The following NUTM1 variants were observed in gnomAD, a reference collection of about 807,000 sequenced individuals.
NUTM1 encodes NUT family member 1.
Under a neutral mutation model 88.7 loss-of-function variants are expected in NUTM1, and 39 were observed. The ratio of observed to expected loss-of-function variants is 0.44; its 90% CI spans 0.34 to 0.57. NUTM1 has a LOEUF of 0.57. Ranked by LOEUF, NUTM1 falls within the 20% of genes least tolerant of loss-of-function variation. NUTM1 has a pLI of 0.01. For synonymous variants in NUTM1, 494 were observed against 538.0 expected (o/e 0.92, Z 1.13); for missense variants, 1,350 against 1,414.5 (o/e 0.95, Z 0.73).
In NUTM1 at chr15:34,350,246, C is replaced by A. The variant is rs115530291; in HGVS notation, c.810-458C>A. Among the ~76,000 whole-genome samples, 631 of 152,226 alleles carry A rather than the reference C, an allele frequency of 4.1e-3. 3 individuals carry two copies. Among genetic ancestry groups the A allele is most frequent in the African/African-American group, 0.015 (605 of 41,536 alleles). On this transcript the variant is annotated intron_variant, in intron 3 of 7. Transcript: ENST00000537011. The stretch of plus-strand genomic sequence containing the variant: ...ATATCTGGAAACAAAGACTGAAAAA[C>A]CAATAAATAAAAACACCACATGACC...
Position 34,343,714 on chromosome 15 carries a change from A to C in NUTM1, c.6+12A>C. On this transcript the variant is annotated intron_variant, in intron 1 of 7. Coordinates refer to ENST00000537011, the MANE Select transcript of NUTM1 (RefSeq NM_001284292.2). ...TCTTTCTTATGGTGGTGAGTAGCTAATAATAACGTAATAAAGTGCACCTTC... is the reference window on the plus strand; with the variant it reads ...TCTTTCTTATGGTGGTGAGTAGCTACTAATAACGTAATAAAGTGCACCTTC... 6.5e-7 allele frequency: 1 copy of C among 1,533,604 alleles called. No homozygotes were observed. The highest frequency in any genetic ancestry group is 8.7e-7 in the Non-Finnish European group (1 of 1,145,016). The allele number at this position is 1,533,604 out of a possible 1,614,324, so 95.0% of individuals were successfully genotyped here.
intron 1 of NUTM1, 115 bp downstream of exon 1, chr15:34,343,817 C>T: frequency 1.2e-6 from 1 of 843,676 alleles, no homozygotes; most frequent in South Asian, 1.7e-5. Context: ...AAAATGAGAA[C>T]CAAAATATCA....
intron 2 of NUTM1, among the ~76,000 whole-genome samples, chr15:34,347,636 A>G (rs1343104589): frequency 1.3e-5 from 2 of 152,072 alleles, no homozygotes; most frequent in Non-Finnish European, 2.9e-5. Context: ...GGCGGATCAC[A>G]AGGTCAGGAG....
At position 34,348,549 on chromosome 15, in the gene NUTM1, C is replaced by T; in HGVS notation, c.681C>T (p.Ser227=). The change falls in exon 3 of 8, where the codon TCC becomes TCT. Residue 227 remains serine, a synonymous_variant. Transcript: ENST00000537011. ...CTGTGGCCACTCTATCCAAGCCTTC[C>T]CTAGGTGACCGCTCCAAAATTTCCA... ...GGPVATLSKP[S]LGDRSKISKD... is the part of the protein sequence containing the mutation. The T allele has an allele frequency of 6.2e-7, 1 of 1,614,092 alleles. No homozygotes were observed. The highest frequency in any genetic ancestry group is 8.5e-7 in the Non-Finnish European group (1 of 1,180,030).
chr15:34,348,388 A>G lies in NUTM1; in HGVS notation c.520A>G (p.Lys174Glu), dbSNP rs1386486829. 2 of 1,614,136 alleles carry G rather than the reference A, an allele frequency of 1.2e-6. No homozygotes were observed. Among genetic ancestry groups the G allele is most frequent in the South Asian group, 1.1e-5 (1 of 91,078 alleles). ...TAATGTGAAGACCATTCTGCCCTCTAAGGCTGTTGGTGTCAGCCAGGAGGG... is the reference window on the plus strand; with the variant it reads ...TAATGTGAAGACCATTCTGCCCTCTGAGGCTGTTGGTGTCAGCCAGGAGGG... ...ASNVKTILPS[K>E]AVGVSQEGPP... Residue 174 changes from lysine to glutamate, a missense_variant, in exon 3 of 8, where the codon AAG (lysine) becomes GAG (glutamate). By Grantham distance (56) the Lys-to-Glu change is moderately conservative (BLOSUM62 1). This residue lies in a region of NUTM1 where 399 missense variants were observed against 397.9 expected (regional missense o/e 1.00). Coordinates refer to ENST00000537011, the MANE Select transcript of NUTM1 (RefSeq NM_001284292.2).
intron 4 of NUTM1, among the ~76,000 whole-genome samples, chr15:34,351,296 C>T (rs1416832523): frequency 6.9e-6 from 1 of 144,716 alleles, no homozygotes; most frequent in Non-Finnish European, 1.5e-5. Flanking sequence ...GCTTGTAGTC[C>T]CAGCTACTCT....
At chr15:34,344,563 C>A (rs1286374700) in intron 1 of NUTM1, among the ~76,000 whole-genome samples, 1 of 148,968 alleles carries the variant, frequency 6.7e-6, no homozygotes, top group Non-Finnish European at 1.5e-5. Flanking sequence ...CATAAAAAAT[C>A]TCTGCAAGTA....
At position 34,344,267 on chromosome 15, in the gene NUTM1, CTT is replaced by C. The variant is rs1299518477; in HGVS notation, c.6+567_6+568del. ...GTGGCTCACGCCTGTAATCCCAGCA[CTT>C]TGGGAGGCTGAGACGGGTGGATCAC... On this transcript the variant is annotated intron_variant, in intron 1 of 7. Coordinates refer to ENST00000537011, the MANE Select transcript of NUTM1 (RefSeq NM_001284292.2). 4.0e-5 allele frequency among the ~76,000 whole-genome samples: 6 copies of C among 150,384 alleles called. No individual in the cohort carries two copies. In the East Asian group the frequency reaches 9.9e-4, roughly 25 times the overall value.
At position 34,354,732 on chromosome 15, in the gene NUTM1, G is replaced by C; in HGVS notation, c.1362G>C (p.Lys454Asn). Residue 454 changes from lysine to asparagine, a missense_variant and splice_region_variant, in exon 6 of 8, where the codon AAG becomes AAC. Lys to Asn is a moderately conservative substitution (Grantham distance 94). Coordinates refer to ENST00000537011, the MANE Select transcript of NUTM1 (RefSeq NM_001284292.2). ...GTTCTCAGAAGGTCTTTGTCTCCAA[G>C]GTGAGCTGGGCCTGCACATCTTGTT... ...ELCSQKVFVS[K>N]VEAVIHPQFL... 6.2e-7 allele frequency: 1 copy of C among 1,614,056 alleles called. No homozygotes were observed.
Position 34,343,627 on chromosome 15 carries a change from T to G in NUTM1, c.-70T>G. On this transcript the variant is annotated 5_prime_UTR_variant, in exon 1 of 8. Transcript: ENST00000537011. Reference sequence around the variant, plus strand: ...GCGTAAAGTTATTTTATGAAACTGGTGAAGCATGTTTCAGCGGTCGAACCA... The same window carrying G: ...GCGTAAAGTTATTTTATGAAACTGGGGAAGCATGTTTCAGCGGTCGAACCA... 1 of 1,535,214 alleles carries G rather than the reference T, an allele frequency of 6.5e-7. No homozygotes were observed. The highest frequency in any genetic ancestry group is 2.4e-5 in the East Asian group (1 of 40,916).
chr15:34,343,440 C>A lies in NUTM1; in HGVS notation c.-257C>A. On this transcript the variant is annotated 5_prime_UTR_variant, in exon 1 of 8. Coordinates refer to ENST00000537011, the MANE Select transcript of NUTM1 (RefSeq NM_001284292.2). ...TTTCAGGAGCAGTGAGTTTTCAATGCCTGAAGAAACAAGGGCTCCAGGATT... is the reference window on the plus strand; with the variant it reads ...TTTCAGGAGCAGTGAGTTTTCAATGACTGAAGAAACAAGGGCTCCAGGATT... The A allele has an allele frequency of 1.4e-6, 1 of 733,156 alleles. No individual in the cohort carries two copies. The highest frequency in any genetic ancestry group is 1.8e-5 in the African/African-American group (1 of 56,478). The allele number at this position is 733,156 out of a possible 1,614,324, so 45.4% of individuals were successfully genotyped here. A position where few individuals can be genotyped will look rare whatever the true frequency, so the allele number is the denominator to read the frequency against.
Position 34,354,530 on chromosome 15 carries a change from C to T in NUTM1, c.1160C>T (p.Ala387Val). Residue 387 changes from alanine to valine, a missense_variant, in exon 6 of 8, where the codon GCA becomes GTA. Ala to Val is a moderately conservative substitution (Grantham distance 64). Coordinates refer to ENST00000537011, the MANE Select transcript of NUTM1 (RefSeq NM_001284292.2). ...GCCCAGAGACCTCCTGCTCCTGAGGCACCCAAGGAGATCCCACCAGAAGCT... is the reference window on the plus strand; with the variant it reads ...GCCCAGAGACCTCCTGCTCCTGAGGTACCCAAGGAGATCCCACCAGAAGCT... ...RKAQRPPAPE[A>V]PKEIPPEAVK... 6.2e-7 allele frequency: 1 copy of T among 1,614,116 alleles called. No homozygotes were observed. The highest frequency in any genetic ancestry group is 1.7e-5 in the Admixed American group (1 of 60,026).
At position 34,350,750 on chromosome 15, in the gene NUTM1, G is replaced by T. The variant is rs1476943201; in HGVS notation, c.856G>T (p.Glu286Ter). 3.7e-6 allele frequency: 6 copies of T among 1,613,812 alleles called. No homozygotes were observed. Among genetic ancestry groups the T allele is most frequent in the Non-Finnish European group, 5.1e-6 (6 of 1,180,000 alleles). The change falls in exon 4 of 8, where the codon GAG becomes TAG. Residue 286 changes from glutamate (E) to a stop codon, truncating the protein, a stop_gained. Transcript: ENST00000537011. LOFTEE classifies it high-confidence loss of function. ...LARLKPTMTL[E>*]EGLPLAVQEW... Reference sequence around the variant, plus strand: ...CCGGCTGAAGCCCACTATGACCCTGGAGGAGGGACTGCCATTGGCTGTGCA... The same window carrying T: ...CCGGCTGAAGCCCACTATGACCCTGTAGGAGGGACTGCCATTGGCTGTGCA...
rs886809739 is a variant in NUTM1, at chr15:34,354,482, C to T, written c.1112C>T (p.Ala371Val). The change falls in exon 6 of 8, where the codon GCC (alanine) becomes GTC (valine). Residue 371 changes from alanine (A) to valine (V), a missense_variant. Coordinates refer to ENST00000537011, the MANE Select transcript of NUTM1 (RefSeq NM_001284292.2). ...AAGAAGGCAGCCTCCAAGACACGGG[C>T]CCCCCGCCGGCGTCAGCGTAAAGCC... ...IPKKAASKTR[A>V]PRRRQRKAQR... 3.1e-6 allele frequency: 5 copies of T among 1,614,006 alleles called. No individual in the cohort carries two copies. The highest frequency in any genetic ancestry group is 4.2e-6 in the Non-Finnish European group (5 of 1,179,946).
chr15:34,356,247 A>G lies in NUTM1; in HGVS notation c.2239A>G (p.Ser747Gly), dbSNP rs145441758. ...AAGERDDVCL[S>G]PGVWLSSEMD... is the part of the protein sequence containing the mutation. Reference sequence around the variant, plus strand: ...TGGGGAGAGGGACGATGTCTGTCTCAGCCCAGGAGTTTGGCTGAGCAGTGA... The same window carrying G: ...TGGGGAGAGGGACGATGTCTGTCTCGGCCCAGGAGTTTGGCTGAGCAGTGA... Residue 747 changes from serine to glycine, a missense_variant, in exon 8 of 8, where the codon AGC becomes GGC. Transcript: ENST00000537011. 1.5e-4 allele frequency: 239 copies of G among 1,608,246 alleles called. No homozygotes were observed. Among genetic ancestry groups the G allele is most frequent in the Non-Finnish European group, 1.8e-4 (217 of 1,176,306 alleles).
At position 34,348,345 on chromosome 15, in the gene NUTM1, T is replaced by C. The variant is rs1426259630; in HGVS notation, c.477T>C (p.Pro159=). ...TPCGGLEGPA[P]PFVTASNVKT... ...GTGGAGGCCTTGAGGGTCCTGCACC[T>C]CCATTTGTGACAGCATCTAATGTGA... Residue 159 remains proline, a synonymous_variant, in exon 3 of 8, where the codon CCT becomes CCC. Transcript: ENST00000537011. 2 of 1,614,124 alleles carry C rather than the reference T, an allele frequency of 1.2e-6. No homozygotes were observed. The highest frequency in any genetic ancestry group is 1.7e-6 in the Non-Finnish European group (2 of 1,180,050).
chr15:34,356,990 T>G lies in NUTM1; in HGVS notation c.2982T>G (p.Ser994=). ...YTTGTPKATS[S]HQGLGSTLPR... The stretch of plus-strand genomic sequence containing the variant: ...CTGGGACTCCCAAAGCAACATCTTC[T>G]CACCAGGGCCTTGGAAGCACTTTGC... The change falls in exon 8 of 8, where the codon TCT becomes TCG. Residue 994 remains serine, a synonymous_variant. Coordinates refer to ENST00000537011, the MANE Select transcript of NUTM1 (RefSeq NM_001284292.2). 6.2e-7 allele frequency: 1 copy of G among 1,613,818 alleles called. No homozygotes were observed. Among genetic ancestry groups the G allele is most frequent in the Admixed American group, 1.7e-5 (1 of 59,970 alleles).
In NUTM1 at chr15:34,357,366, G is replaced by A. The variant is rs759056932; in HGVS notation, c.3358G>A (p.Ala1120Thr). 3 of 1,614,238 alleles carry A rather than the reference G, an allele frequency of 1.9e-6. No individual in the cohort carries two copies. Among genetic ancestry groups the A allele is most frequent in the East Asian group, 2.2e-5 (1 of 44,886 alleles). ...APTEKTPHSG[A>T]QLGVPREKPL... ...TACTGAAAAGACACCCCACTCAGGA[G>A]CTCAACTTGGGGTCCCCAGGGAGAA... Residue 1120 changes from alanine (A) to threonine (T), a missense_variant, in exon 8 of 8, where the codon GCT becomes ACT. Around this residue, in one of 5 missense-constraint regions of NUTM1, gnomAD observed 730 missense variants for 728.8 expected, o/e 1.00. Transcript: ENST00000537011.
chr15:34,349,500 T>G (rs920652850), intron 3 of NUTM1, among the ~76,000 whole-genome samples: 7 of 152,076 alleles, frequency 4.6e-5, no homozygotes, highest in Admixed American at 3.3e-4. Context: ...TAAGAGCGAG[T>G]GTGTGTTTAG....
Sources: allele counts gnomAD v4.1 joint callset (sites outside exome capture counted in the v4.1 genomes callset), GRCh38; gene constraint gnomAD v4.1.1; regional missense constraint gnomAD v4.1.1; transcripts MANE v1.5; gene names NCBI Gene and HGNC (gene_info 2026-07-23, HGNC 2026-07-21).